PCDHGA8: variants seen among roughly 807,000 people sequenced by gnomAD.
The protein encoded by PCDHGA8 is protocadherin gamma subfamily A, 8.
PCDHGA8 carries 45 observed loss-of-function variants against 59.2 expected under a neutral mutation model. The observed-to-expected ratio is 0.76, with a 90% confidence interval of 0.60 to 0.98. The LOEUF is 0.98. PCDHGA8 is among the 50% of genes least tolerant of loss of function. The pLI, the probability that PCDHGA8 is intolerant of heterozygous loss-of-function variation, is 0.00. For missense variants in PCDHGA8, 1,257 were observed against 1,196.2 expected (o/e 1.05, Z -0.75); for synonymous variants, 531 against 519.0 (o/e 1.02, Z -0.32).
Position 141,495,110 on chromosome 5 carries a change from T to C in PCDHGA8, c.2483+245T>C, listed in dbSNP as rs74534116. Among the ~76,000 whole-genome samples the C allele has an allele frequency of 3.9e-3, 595 of 152,212 alleles. 3 individuals carry two copies. The highest frequency in any genetic ancestry group is 0.013 in the African/African-American group (538 of 41,532). On this transcript the variant is annotated intron_variant, in intron 2 of 3. Coordinates refer to ENST00000398604, the MANE Select transcript of PCDHGA8 (RefSeq NM_032088.2). The stretch of plus-strand genomic sequence containing the variant: ...TTCCCTCCTCGCCACGACCGGCACC[T>C]TTTCCTATCCCCTGAGGGCACTGTG...
chr5:141,427,370 G>A (rs915167509), intron 1 of PCDHGA8: 17 of 457,836 alleles, frequency 3.7e-5, no homozygotes, highest in African/African-American at 2.4e-4. Flanking sequence ...AACCCTGGAC[G>A]GTGATCACTC....
chr5:141,501,141 A>G (rs940603527), intron 2 of PCDHGA8, among the ~76,000 whole-genome samples: 8 of 152,184 alleles, frequency 5.3e-5, no homozygotes, highest in Admixed American at 5.2e-4. Context: ...TGCTGGGATT[A>G]CAGGTGGGAG....
rs192631651 is a variant in PCDHGA8, at chr5:141,432,052, C to G, written c.2424+36815C>G. On this transcript the variant is annotated intron_variant, in intron 1 of 3. Transcript: ENST00000398604. The surrounding 1 kb of genome is among the most constrained non-coding windows in gnomAD (Gnocchi z 6.0). Reference sequence around the variant, plus strand: ...CCGCCACTGACCGGGGAACCCCGCCCCTATCCACGGAAACTCATATCTCGC... The same window carrying G: ...CCGCCACTGACCGGGGAACCCCGCCGCTATCCACGGAAACTCATATCTCGC... The G allele has an allele frequency of 8.1e-6, 13 of 1,614,226 alleles. No homozygotes were observed. In the Admixed American group the frequency reaches 1.8e-4, roughly 23 times the overall value.
chr5:141,498,312 T>C (rs2099783060), intron 2 of PCDHGA8, among the ~76,000 whole-genome samples: 1 of 151,714 alleles, frequency 6.6e-6, no homozygotes, highest in Non-Finnish European at 1.5e-5. Context: ...TCACACTGCC[T>C]ACACAGAAGG....
intron 1 of PCDHGA8, chr5:141,423,397 C>A: frequency 1.9e-6 from 3 of 1,614,146 alleles, no homozygotes; most frequent in Non-Finnish European, 2.5e-6. Context: ...GCATAAGTCA[C>A]GCCTGCTGCA....
chr5:141,460,037 C>A (rs1203902962), intron 1 of PCDHGA8, among the ~76,000 whole-genome samples: 1 of 152,120 alleles, frequency 6.6e-6, no homozygotes, highest in African/African-American at 2.4e-5. Context: ...GAGACTGCAC[C>A]ACTGCACTCC....
intron 2 of PCDHGA8, among the ~76,000 whole-genome samples, chr5:141,498,956 A>G (rs547381859): frequency 2.4e-5 from 3 of 124,058 alleles, no homozygotes; most frequent in African/African-American, 6.3e-5. Context: ...AAAAAGAGAG[A>G]GAGGGAGGGA....
At chr5:141,450,033 G>T (rs1377962229) in intron 1 of PCDHGA8, among the ~76,000 whole-genome samples, 2 of 131,450 alleles carry the variant, frequency 1.5e-5, no homozygotes, top group Admixed American at 8.4e-5. Flanking sequence ...TTGAGACAGG[G>T]TCTCACTCTT....
intron 1 of PCDHGA8, among the ~76,000 whole-genome samples, chr5:141,461,151 C>A (rs1424467673): frequency 6.6e-6 from 1 of 152,022 alleles, no homozygotes; most frequent in African/African-American, 2.4e-5. Context: ...TGGGTAGATA[C>A]CCAATAGTGG....
chr5:141,411,193 AAAAC>A (rs1267742802), intron 1 of PCDHGA8: 2 of 152,212 alleles, frequency 1.3e-5, no homozygotes, highest in African/African-American at 4.8e-5. Flanking sequence ...GGCATCTAAG[AAAAC>A]AAACAAGTAA....
chr5:141,422,836 G>A, intron 1 of PCDHGA8: 1 of 1,614,250 alleles, frequency 6.2e-7, no homozygotes, highest in Middle Eastern at 1.6e-4. Flanking sequence ...GATAGCACGT[G>A]ACAGCGGGGA....
chr5:141,410,104 C>G, intron 1 of PCDHGA8: 1 of 1,612,582 alleles, frequency 6.2e-7, no homozygotes, highest in Non-Finnish European at 8.5e-7. Context: ...CCTTAGGCGA[C>G]AGGGACGCAG....
At position 141,393,938 on chromosome 5, in the gene PCDHGA8, C is replaced by G. The variant is rs537803893; in HGVS notation, c.1125C>G (p.Asp375Glu). 9.3e-6 allele frequency: 15 copies of G among 1,613,818 alleles called. No homozygotes were observed. The highest frequency in any genetic ancestry group is 1.3e-5 in the Non-Finnish European group (15 of 1,179,886). ...VIAFLSVHDQ[D>E]SGKNGQVVCY... Reference sequence around the variant, plus strand: ...CCTTCTTGAGTGTGCATGACCAAGACTCTGGAAAGAATGGTCAAGTTGTCT... The same window carrying G: ...CCTTCTTGAGTGTGCATGACCAAGAGTCTGGAAAGAATGGTCAAGTTGTCT... The change falls in exon 1 of 4, where the codon GAC (aspartate) becomes GAG (glutamate). Residue 375 changes from aspartate (D) to glutamate (E), a missense_variant. Transcript: ENST00000398604.
chr5:141,450,110 G>C (rs2098669636), intron 1 of PCDHGA8, among the ~76,000 whole-genome samples: 1 of 147,716 alleles, frequency 6.8e-6, no homozygotes. Context: ...AGGTTCAAAT[G>C]ATTCTCCTGC....
intron 2 of PCDHGA8, among the ~76,000 whole-genome samples, chr5:141,502,866 C>CTTTTTT (rs549047197): frequency 2.0e-4 from 26 of 128,026 alleles, no homozygotes; most frequent in African/African-American, 6.2e-4. Flanking sequence ...GACTCTCTGT[C>CTTTTTT]TTTTTTTTTT....
chr5:141,428,338 T>G, intron 1 of PCDHGA8: 7 of 592,492 alleles, frequency 1.2e-5, no homozygotes, highest in East Asian at 3.1e-5. Flanking sequence ...TATGCTCTTC[T>G]TCCTCGCAGT....
At position 141,392,721 on chromosome 5, in the gene PCDHGA8, G is replaced by A. The variant is rs1169584002; in HGVS notation, c.-93G>A. 25 of 1,390,348 alleles carry A rather than the reference G, an allele frequency of 1.8e-5. No homozygotes were observed. Among genetic ancestry groups the A allele is most frequent in the South Asian group, 3.2e-5 (2 of 62,948 alleles). 86.1% of individuals were successfully genotyped at this position (1,390,348 alleles called of 1,614,324 possible). ...TGTTTGGAGGCACTCCAGGTTTCCGGAGGATTGTCATCTCCATAGCTGCGG... is the reference window on the plus strand; with the variant it reads ...TGTTTGGAGGCACTCCAGGTTTCCGAAGGATTGTCATCTCCATAGCTGCGG... On this transcript the variant is annotated 5_prime_UTR_variant, in exon 1 of 4. Coordinates refer to ENST00000398604, the MANE Select transcript of PCDHGA8 (RefSeq NM_032088.2).
chr5:141,404,600 CTGTT>C (rs901473063), intron 1 of PCDHGA8: 9 of 1,613,938 alleles, frequency 5.6e-6, no homozygotes, highest in East Asian at 2.2e-5. Flanking sequence ...GTCATTGAGA[CTGTT>C]TGTTTTGGAC....
intron 1 of PCDHGA8, chr5:141,411,845 G>C (rs984420523): frequency 6.6e-6 from 1 of 151,920 alleles, no homozygotes; most frequent in Non-Finnish European, 1.5e-5. Context: ...AGGTGACAGA[G>C]TGAGACCCTG....
Sources: gnomAD v4.1 joint callset for allele counts (sites outside exome capture counted in the v4.1 genomes callset) on GRCh38, gnomAD v4.1.1 for gene constraint, Gnocchi (gnomAD v3.1) non-coding constraint, MANE v1.5 for transcripts, NCBI Gene and HGNC (gene_info 2026-07-23, HGNC 2026-07-21) for gene names.